Variants in TAFA2 observed in about 807,000 individuals in gnomAD.
TAFA2 encodes chemokine-like protein TAFA-2.
Under a neutral mutation model 18.8 loss-of-function variants are expected in TAFA2, and 7 were observed. That is an observed-to-expected ratio of 0.37 (90% CI 0.21 to 0.70). The LOEUF (loss-of-function observed/expected upper bound fraction) is 0.70. TAFA2 is among the 30% of genes least tolerant of loss of function. The pLI is 0.53. For synonymous variants in TAFA2, 60 were observed against 54.2 expected (o/e 1.11, Z -0.47); for missense variants, 122 against 158.1 (o/e 0.77, Z 1.23).
At position 61,796,421 on chromosome 12, in the gene TAFA2, A is replaced by G. The variant is rs544134175; in HGVS notation, c.107-41397T>C. On this transcript the variant is annotated intron_variant, in intron 2 of 4. Transcript: ENST00000416284. ...ATTCTAAGTGAAAGAGGACAGATTC[A>G]GAGTGTATATTGTATTTTTCCATTT... 2.0e-5 allele frequency among the ~76,000 whole-genome samples: 3 copies of G among 152,294 alleles called. No homozygotes were observed. The East Asian group carries it at 5.8e-4, about 29-fold the overall frequency.
intron 1 of TAFA2, among the ~76,000 whole-genome samples, chr12:62,043,045 C>T (rs555408633): frequency 6.6e-6 from 1 of 152,148 alleles, no homozygotes; most frequent in Non-Finnish European, 1.5e-5. Flanking sequence ...ACAAAAGTAA[C>T]ATTTATAAGT....
At chr12:62,171,788 A>G (rs1440554703) in intron 1 of TAFA2, among the ~76,000 whole-genome samples, 2 of 152,224 alleles carry the variant, frequency 1.3e-5, no homozygotes, top group Admixed American at 1.3e-4. Flanking sequence ...AACTAAGACA[A>G]TAATAAATCA....
Position 61,798,289 on chromosome 12 carries a change from G to A in TAFA2, c.107-43265C>T, listed in dbSNP as rs190363655. 4.5e-3 allele frequency among the ~76,000 whole-genome samples: 678 copies of A among 152,076 alleles called. 6 individuals carry two copies. Among genetic ancestry groups the A allele is most frequent in the Non-Finnish European group, 5.5e-3 (374 of 67,974 alleles). ...TTTGGTCTTTTTTTTGTGTGTATGA[G>A]TCTCTGCTGATTCCAGGGCCACCTG... On this transcript the variant is annotated intron_variant, in intron 2 of 4. Coordinates refer to ENST00000416284, the MANE Select transcript of TAFA2 (RefSeq NM_178539.5).
At chr12:61,945,956 C>G (rs1336524148) in intron 1 of TAFA2, among the ~76,000 whole-genome samples, 5 of 143,772 alleles carry the variant, frequency 3.5e-5, no homozygotes, top group Non-Finnish European at 7.5e-5. Flanking sequence ...GAAAAAACTA[C>G]TTTAAAGTTC....
At position 62,012,672 on chromosome 12, in the gene TAFA2, G is replaced by A. The variant is rs548334666; in HGVS notation, c.-1-145246C>T. On this transcript the variant is annotated intron_variant, in intron 1 of 4. Transcript: ENST00000416284. ...TCTATGGAAGAAAATATTTGAAAAT[G>A]TAATGGGAAATAATCCAATCTAAAA... 2.0e-5 allele frequency among the ~76,000 whole-genome samples: 3 copies of A among 152,210 alleles called. No homozygotes were observed. In the East Asian group the frequency reaches 5.8e-4, roughly 29 times the overall value.
chr12:62,239,787 A>G (rs1177947565), intron 1 of TAFA2, among the ~76,000 whole-genome samples: 1 of 152,182 alleles, frequency 6.6e-6, no homozygotes, highest in African/African-American at 2.4e-5. Context: ...ATCTCCCACC[A>G]TTGAGTTATA....
intron 1 of TAFA2, among the ~76,000 whole-genome samples, chr12:61,928,375 C>G (rs1355006420): frequency 6.6e-6 from 1 of 152,144 alleles, no homozygotes; most frequent in Non-Finnish European, 1.5e-5. Context: ...AGACACTTCT[C>G]AAAAGAAGAC....
chr12:61,958,868 T>C (rs1177903782), intron 1 of TAFA2, among the ~76,000 whole-genome samples: 1 of 152,016 alleles, frequency 6.6e-6, no homozygotes, highest in Non-Finnish European at 1.5e-5. Flanking sequence ...AACCACCATA[T>C]TTTTGAGACA....
intron 1 of TAFA2, among the ~76,000 whole-genome samples, chr12:61,954,069 C>T (rs1045924323): frequency 2.0e-5 from 3 of 152,076 alleles, no homozygotes; most frequent in African/African-American, 7.2e-5. Context: ...GTAGCCATCA[C>T]CCAAATAGCG....
intron 1 of TAFA2, among the ~76,000 whole-genome samples, chr12:61,993,129 T>A (rs1004612958): frequency 5.4e-4 from 83 of 152,336 alleles, no homozygotes; most frequent in African/African-American, 2.0e-3. Flanking sequence ...TCACTAAACA[T>A]TCTGCGCTCA....
chr12:61,744,683 T>C (rs920939525), intron 4 of TAFA2, among the ~76,000 whole-genome samples: 2 of 152,078 alleles, frequency 1.3e-5, no homozygotes, highest in African/African-American at 4.8e-5. Context: ...GCCTTCCAAG[T>C]AGCTGGGGGT....
At chr12:61,804,374 C>G (rs1355195800) in intron 2 of TAFA2, among the ~76,000 whole-genome samples, 1 of 151,952 alleles carries the variant, frequency 6.6e-6, no homozygotes, top group Non-Finnish European at 1.5e-5. Context: ...CTGGTTTATG[C>G]TGCTTTCTCA....
chr12:62,181,990 T>TC (rs71893210), intron 1 of TAFA2, among the ~76,000 whole-genome samples: 12,917 of 138,392 alleles, frequency 0.093, 771 homozygotes, highest in South Asian at 0.12. Flanking sequence ...CTCAAGTCCA[T>TC]CCCCCCCCCG....
chr12:61,774,934 T>C (rs1432767455), intron 2 of TAFA2, among the ~76,000 whole-genome samples: 1 of 151,788 alleles, frequency 6.6e-6, no homozygotes, highest in Non-Finnish European at 1.5e-5. Flanking sequence ...TGAAAAAGGA[T>C]TGTTATCAAA....
intron 1 of TAFA2, among the ~76,000 whole-genome samples, chr12:61,976,332 C>T (rs1555180520): frequency 6.6e-6 from 1 of 151,748 alleles, no homozygotes; most frequent in Non-Finnish European, 1.5e-5. Flanking sequence ...GTTTTGTTCT[C>T]CTTTCATTAA....
chr12:61,928,426 CA>C (rs150139643), intron 1 of TAFA2, among the ~76,000 whole-genome samples: 10,797 of 152,256 alleles, frequency 0.071, 1,245 homozygotes, highest in African/African-American at 0.24. Flanking sequence ...AGCTCATCAT[CA>C]GTGGTCATTA....
At chr12:62,075,688 A>G (rs1267949723) in intron 1 of TAFA2, among the ~76,000 whole-genome samples, 1 of 152,220 alleles carries the variant, frequency 6.6e-6, no homozygotes, top group Non-Finnish European at 1.5e-5. Context: ...GCATATATAT[A>G]TACATACGCA....
At chr12:61,941,871 G>T (rs1237842229) in intron 1 of TAFA2, among the ~76,000 whole-genome samples, 2 of 152,196 alleles carry the variant, frequency 1.3e-5, no homozygotes, top group East Asian at 1.9e-4. Flanking sequence ...CAGCGAGGCT[G>T]GGGGAGGGGC....
chr12:62,207,102 C>T (rs914795928), intron 1 of TAFA2: 1 of 152,086 alleles, frequency 6.6e-6, no homozygotes, highest in Non-Finnish European at 1.5e-5. Context: ...ATTATTTTTC[C>T]TATGTGTTCC....
Sources: allele counts gnomAD v4.1 joint callset (sites outside exome capture counted in the v4.1 genomes callset), GRCh38; gene constraint gnomAD v4.1.1; transcripts MANE v1.5; gene names NCBI Gene and HGNC (gene_info 2026-07-23, HGNC 2026-07-21).